The following FIGN variants were observed in gnomAD, a reference collection of about 807,000 sequenced individuals.
FIGN encodes fidgetin.
A neutral mutation model predicts 51.3 loss-of-function variants in FIGN; 11 were observed. That is an observed-to-expected ratio of 0.21 (90% CI 0.13 to 0.35). FIGN has a LOEUF of 0.35. Among genes scored for constraint, FIGN ranks in the 10% least tolerant of loss-of-function variants. The probability of loss-of-function intolerance (pLI) is 1.00; values close to 1 mark genes in which losing one functional copy is unlikely to be tolerated. For synonymous variants in FIGN, 407 were observed against 363.2 expected, an observed-to-expected ratio of 1.12 and a Z score of -1.37; for missense variants, 857 against 943.6, an observed-to-expected ratio of 0.91 and a Z score of 1.20.
intron 2 of FIGN, among the ~76,000 whole-genome samples, chr2:163,684,097 T>C (rs1352816495): frequency 6.6e-6 from 1 of 152,208 alleles, no homozygotes; most frequent in Non-Finnish European, 1.5e-5. Flanking sequence ...AATGCTATAC[T>C]TCAAGAGTTT....
chr2:163,611,924 A>ACG, intron 2 of FIGN, 118 bp from the exon 3 acceptor site: 1 of 454,718 alleles, frequency 2.2e-6, no homozygotes, highest in South Asian at 1.1e-4. Flanking sequence ...GCATACTTTA[A>ACG]AAGATCTACA....
intron 2 of FIGN, among the ~76,000 whole-genome samples, chr2:163,666,769 C>A (rs1683780623): frequency 6.6e-6 from 1 of 151,930 alleles, no homozygotes; most frequent in Non-Finnish European, 1.5e-5. Flanking sequence ...CACAAAGCCT[C>A]AAAGAAGTAC....
In FIGN at chr2:163,629,179, G is replaced by A. The variant is rs546959019; in HGVS notation, c.26-17373C>T. On this transcript the variant is annotated intron_variant, in intron 2 of 2. Transcript: ENST00000333129. ...TCGGTTATACAAATTTTAAGGAGTA[G>A]GAAATGAGGATTGGAAAGGCATTTA... Among the ~76,000 whole-genome samples the A allele has an allele frequency of 2.5e-4, 38 of 152,196 alleles. No individual in the cohort carries two copies. In the South Asian group the frequency reaches 7.5e-3, roughly 30 times the overall value.
intron 2 of FIGN, among the ~76,000 whole-genome samples, chr2:163,664,342 T>C (rs188397950): frequency 6.6e-6 from 1 of 152,358 alleles, no homozygotes; most frequent in Admixed American, 6.5e-5. Context: ...TCTCCAGTTA[T>C]ACAGATGCTG....
At position 163,607,510 on chromosome 2, in the gene FIGN, A is replaced by G. The variant is rs1005151212; in HGVS notation, c.*2042T>C. 6.6e-6 allele frequency: 1 copy of G among 152,446 alleles called. No individual in the cohort carries two copies. Among genetic ancestry groups the G allele is most frequent in the African/African-American group, 2.4e-5 (1 of 41,372 alleles). 9.4% of individuals were successfully genotyped at this position (152,446 alleles called of 1,614,324 possible). ...CATCATAAAATTTCAGAGATAAGAA[A>G]TCCCTCATGAGCTTTCTCTATGTTA... On this transcript the variant is annotated 3_prime_UTR_variant, in exon 3 of 3. Coordinates refer to ENST00000333129, the MANE Select transcript of FIGN (RefSeq NM_018086.4).
At chr2:163,630,445 T>C (rs894277544) in intron 2 of FIGN, among the ~76,000 whole-genome samples, 6 of 152,056 alleles carry the variant, frequency 3.9e-5, no homozygotes, top group African/African-American at 1.2e-4. Context: ...TATGTATTGA[T>C]TGAGTCCCCA....
intron 2 of FIGN, among the ~76,000 whole-genome samples, chr2:163,625,269 A>G (rs1683036870): frequency 6.6e-6 from 1 of 152,078 alleles, no homozygotes; most frequent in East Asian, 1.9e-4. Context: ...TATCATTAAG[A>G]GGAAAAATGG....
At chr2:163,717,946 G>A (rs1349137144) in intron 2 of FIGN, among the ~76,000 whole-genome samples, 1 of 152,154 alleles carries the variant, frequency 6.6e-6, no homozygotes, top group Non-Finnish European at 1.5e-5. Flanking sequence ...TTCCAAGCAT[G>A]GCATGCTATG....
At chr2:163,734,227 G>A (rs1042759431) in intron 2 of FIGN, among the ~76,000 whole-genome samples, 1 of 151,924 alleles carries the variant, frequency 6.6e-6, no homozygotes, top group Non-Finnish European at 1.5e-5. Context: ...AGGCAGACGA[G>A]TGAATGGAAA....
chr2:163,632,247 A>G (rs1264153086), intron 2 of FIGN, among the ~76,000 whole-genome samples: 1 of 152,224 alleles, frequency 6.6e-6, no homozygotes, highest in African/African-American at 2.4e-5. Flanking sequence ...AACAAAATAT[A>G]TTTATCTCCC....
At chr2:163,692,023 G>C (rs2105345743) in intron 2 of FIGN, among the ~76,000 whole-genome samples, 1 of 152,222 alleles carries the variant, frequency 6.6e-6, no homozygotes, top group African/African-American at 2.4e-5. Context: ...CTAGGGAAAA[G>C]ATTATTTTTC....
chr2:163,696,657 T>C (rs1320251191), intron 2 of FIGN, among the ~76,000 whole-genome samples: 1 of 151,860 alleles, frequency 6.6e-6, no homozygotes, highest in Admixed American at 6.6e-5. Flanking sequence ...GTTTTTGTGT[T>C]GTCTTGTTTT....
intron 2 of FIGN, among the ~76,000 whole-genome samples, chr2:163,712,962 C>A (rs1684611026): frequency 6.6e-6 from 1 of 152,108 alleles, no homozygotes; most frequent in Non-Finnish European, 1.5e-5. Context: ...CACCTCATGA[C>A]AGACAAACAC....
At chr2:163,694,005 T>A (rs1684277352) in intron 2 of FIGN, among the ~76,000 whole-genome samples, 1 of 152,186 alleles carries the variant, frequency 6.6e-6, no homozygotes, top group African/African-American at 2.4e-5. Context: ...TCTTTCTCTC[T>A]TTTCAGCTTG....
rs776126782 is a variant in FIGN, at chr2:163,611,076, A to G, written c.756T>C (p.Tyr252=). 3 of 1,613,956 alleles carry G rather than the reference A, an allele frequency of 1.9e-6. No individual in the cohort carries two copies. The highest frequency in any genetic ancestry group is 3.3e-5 in the Admixed American group (2 of 60,002). The change falls in exon 3 of 3, where the codon TAT becomes TAC. Residue 252 remains tyrosine (Y), a synonymous_variant. Transcript: ENST00000333129. ...LSSYSYPSAS[Y]PPQTAVGSGY... Reference sequence around the variant, plus strand: ...CAGACCCCACAGCAGTCTGAGGAGGATAGCTAGCAGACGGATAGCTGTAAC... The same window carrying G: ...CAGACCCCACAGCAGTCTGAGGAGGGTAGCTAGCAGACGGATAGCTGTAAC...
At chr2:163,643,466 C>A (rs1476459363) in intron 2 of FIGN, among the ~76,000 whole-genome samples, 1 of 149,924 alleles carries the variant, frequency 6.7e-6, no homozygotes, top group Non-Finnish European at 1.5e-5. Flanking sequence ...GCCTGGCCAA[C>A]ATGGTGAAAC....
rs1691099570 is a variant in FIGN at position 163,605,858 on chromosome 2, A to G, written c.*3694T>C. On this transcript the variant is annotated 3_prime_UTR_variant, in exon 3 of 3. Coordinates refer to ENST00000333129, the MANE Select transcript of FIGN (RefSeq NM_018086.4). ...AACGTATTTTCCAACCCACAAATAT[A>G]TTTAAATTTACAAAGACCTATTATA... 6.6e-6 allele frequency: 1 copy of G among 151,110 alleles called. No individual in the cohort carries two copies. Among genetic ancestry groups the G allele is most frequent in the Non-Finnish European group, 1.5e-5 (1 of 67,866 alleles). The allele number at this position is 151,110 out of a possible 1,614,324, so 9.4% of individuals were successfully genotyped here.
At chr2:163,642,323 C>T (rs1683317756) in intron 2 of FIGN, among the ~76,000 whole-genome samples, 1 of 152,198 alleles carries the variant, frequency 6.6e-6, no homozygotes, top group Admixed American at 6.5e-5. Flanking sequence ...TACCTGTAAA[C>T]CCTGTGGGAC....
chr2:163,616,077 T>A (rs533770665), intron 2 of FIGN, among the ~76,000 whole-genome samples: 13 of 152,340 alleles, frequency 8.5e-5, no homozygotes, highest in Admixed American at 8.5e-4. Flanking sequence ...AATGAACAAA[T>A]CCATATTTCC....
Sources: gnomAD v4.1 joint callset for allele counts (sites outside exome capture counted in the v4.1 genomes callset) on GRCh38, gnomAD v4.1.1 for gene constraint, MANE v1.5 for transcripts, NCBI Gene and HGNC (gene_info 2026-07-23, HGNC 2026-07-21) for gene names.